The following ITSN1 variants were observed in gnomAD, a reference collection of about 807,000 sequenced individuals.
ITSN1 encodes intersectin-1.
A neutral mutation model predicts 239.8 loss-of-function variants in ITSN1; 58 were observed. That is an observed-to-expected ratio of 0.24 (90% confidence interval 0.20 to 0.30). ITSN1 has a LOEUF of 0.30. Among genes scored for constraint, ITSN1 ranks in the 10% least tolerant of loss-of-function variants. The pLI is 1.00. For missense variants in ITSN1, 1,558 were observed against 2,103.3 expected, an observed-to-expected ratio of 0.74 and a Z score of 5.07; for synonymous variants, 780 against 770.8, an observed-to-expected ratio of 1.01 and a Z score of -0.20.
At chr21:33,684,182 T>C (rs2091120077) in intron 1 of ITSN1, among the ~76,000 whole-genome samples, 1 of 152,236 alleles carries the variant, frequency 6.6e-6, no homozygotes, top group Non-Finnish European at 1.5e-5. Flanking sequence ...TAACCTTGTT[T>C]CCATGTGACT....
At chr21:33,710,903 T>C (rs2092397607) in intron 1 of ITSN1, among the ~76,000 whole-genome samples, 1 of 151,658 alleles carries the variant, frequency 6.6e-6, no homozygotes, top group African/African-American at 2.4e-5. Flanking sequence ...CCTCTTGGGT[T>C]CAAGTGATTC....
In ITSN1 at chr21:33,655,583, A is replaced by ATTTT. The variant is rs756792867; in HGVS notation, c.-33+12887_-33+12890dup. ...TTACAGGCACCACCATGCCTGGCTAATTTTTTTTTTTTTTTTTTTTGGTAT... is the reference window on the plus strand; with the variant it reads ...TTACAGGCACCACCATGCCTGGCTAATTTTTTTTTTTTTTTTTTTTTTTTGGTAT... On this transcript the variant is annotated intron_variant, in intron 1 of 39. Coordinates refer to ENST00000381318, the MANE Select transcript of ITSN1 (RefSeq NM_003024.3). Among the ~76,000 whole-genome samples, 1,162 of 126,032 alleles carry ATTTT rather than the reference A, an allele frequency of 9.2e-3. 12 individuals carry two copies. The highest frequency in any genetic ancestry group is 0.015 in the Non-Finnish European group (932 of 61,140). The allele number at this position is 126,032 out of a possible 152,430, so 82.7% of individuals were successfully genotyped here.
chr21:33,777,285 G>A (rs549243266), intron 14 of ITSN1, among the ~76,000 whole-genome samples: 3 of 152,216 alleles, frequency 2.0e-5, no homozygotes, highest in Admixed American at 6.5e-5. Context: ...GAACATATTT[G>A]TAATGGTCTA....
intron 29 of ITSN1, among the ~76,000 whole-genome samples, chr21:33,840,960 C>T (rs916681610): frequency 8.6e-5 from 13 of 152,018 alleles, no homozygotes; most frequent in African/African-American, 3.2e-4. Context: ...GAATCACTCT[C>T]CTCTGGCCGG....
intron 4 of ITSN1, among the ~76,000 whole-genome samples, chr21:33,725,116 A>C (rs1236081700): frequency 3.4e-5 from 5 of 146,334 alleles, no homozygotes; most frequent in African/African-American, 1.0e-4. Flanking sequence ...AAAAAAAAAA[A>C]AAAATTTTTT....
At position 33,853,740 on chromosome 21, in the gene ITSN1, G is replaced by A. The variant is rs142275694; in HGVS notation, c.3662-2996G>A. On this transcript the variant is annotated intron_variant, in intron 29 of 39. Coordinates refer to ENST00000381318, the MANE Select transcript of ITSN1 (RefSeq NM_003024.3). Reference sequence around the variant, plus strand: ...TGGGCAGTTCTGTGTCCTGCATGTTGTGGGTCATTTAGCAGCCCTGGCCAG... The same window carrying A: ...TGGGCAGTTCTGTGTCCTGCATGTTATGGGTCATTTAGCAGCCCTGGCCAG... Among the ~76,000 whole-genome samples, 14 of 152,310 alleles carry A rather than the reference G, an allele frequency of 9.2e-5. 1 individual carries two copies. The highest frequency in any genetic ancestry group is 3.4e-4 in the African/African-American group (14 of 41,572).
chr21:33,880,898 C>A (rs577584349), intron 34 of ITSN1, among the ~76,000 whole-genome samples: 1 of 152,160 alleles, frequency 6.6e-6, no homozygotes, highest in South Asian at 2.1e-4. Flanking sequence ...TCTGTGGGAT[C>A]ATCTCCACCT....
intron 20 of ITSN1, 52 bp downstream of exon 20, chr21:33,802,496 C>G: frequency 6.3e-7 from 1 of 1,585,938 alleles, no homozygotes; most frequent in Non-Finnish European, 8.7e-7. Flanking sequence ...ATGTTTTGTC[C>G]TTTTAAGTCA....
At chr21:33,790,141 GC>G in intron 16 of ITSN1, among the ~76,000 whole-genome samples, 1 of 152,140 alleles carries the variant, frequency 6.6e-6, no homozygotes, top group African/African-American at 2.4e-5. Context: ...CCAGAAAAAT[GC>G]CCATATACCC....
intron 1 of ITSN1, among the ~76,000 whole-genome samples, chr21:33,690,026 G>A (rs1280785858): frequency 2.0e-5 from 3 of 149,772 alleles, no homozygotes; most frequent in African/African-American, 7.4e-5. Flanking sequence ...GCTCACACTT[G>A]TAATCCTAGC....
intron 20 of ITSN1, among the ~76,000 whole-genome samples, chr21:33,802,973 C>A (rs1279103927): frequency 6.6e-6 from 1 of 152,280 alleles, no homozygotes; most frequent in East Asian, 1.9e-4. Flanking sequence ...CCGAACAGTT[C>A]ACTTTGAAAG....
rs976722949 is a variant in ITSN1 at position 33,865,789 on chromosome 21, C to T, written c.4074+455C>T. ...CAGTTGGTTCTGCTTGATGTGCTCC[C>T]GCCTTAGACAGCCTGTGGGAGTCAG... On this transcript the variant is annotated intron_variant, in intron 32 of 39. Coordinates refer to ENST00000381318, the MANE Select transcript of ITSN1 (RefSeq NM_003024.3). The surrounding 1 kb of genome is among the most constrained non-coding windows in gnomAD (Gnocchi z 4.4). Among the ~76,000 whole-genome samples, 4 of 152,114 alleles carry T rather than the reference C, an allele frequency of 2.6e-5. No homozygotes were observed. The highest frequency in any genetic ancestry group is 1.9e-4 in the East Asian group (1 of 5,166).
chr21:33,797,660 G>A lies in ITSN1; in HGVS notation c.2182+52G>A. ...AAAATAAGTCATCTTCTCTCCCAGA[G>A]CCTCCTGAAAAATGCCCCTATCTCA... On this transcript the variant is annotated intron_variant, in intron 18 of 39. Coordinates refer to ENST00000381318, the MANE Select transcript of ITSN1 (RefSeq NM_003024.3). The surrounding 1 kb of genome is among the most constrained non-coding windows in gnomAD (Gnocchi z 4.9). 6.7e-7 allele frequency: 1 copy of A among 1,487,648 alleles called. No individual in the cohort carries two copies. Among genetic ancestry groups the A allele is most frequent in the Non-Finnish European group, 9.3e-7 (1 of 1,077,562 alleles). The allele number at this position is 1,487,648 out of a possible 1,614,324, so 92.2% of individuals were successfully genotyped here. A position where few individuals can be genotyped will look rare whatever the true frequency, so the allele number is the denominator to read the frequency against.
Position 33,797,862 on chromosome 21 carries a change from G to A in ITSN1, c.2182+254G>A, listed in dbSNP as rs918390747. 6.6e-6 allele frequency among the ~76,000 whole-genome samples: 1 copy of A among 151,998 alleles called. No homozygotes were observed. Among genetic ancestry groups the A allele is most frequent in the Non-Finnish European group, 1.5e-5 (1 of 68,000 alleles). On this transcript the variant is annotated intron_variant, in intron 18 of 39. Transcript: ENST00000381318. This position sits in a 1 kb window ranked among gnomAD's most constrained non-coding sequence, Gnocchi z 4.9. ...GTCCTCTACGGAGCTAACAAGTGGCGTGAAGTTCCAGTGGTCTTATATGCT... is the reference window on the plus strand; with the variant it reads ...GTCCTCTACGGAGCTAACAAGTGGCATGAAGTTCCAGTGGTCTTATATGCT...
chr21:33,794,620 A>G (rs1157043023), intron 17 of ITSN1, 152 bp downstream of exon 17: 1 of 1,106,482 alleles, frequency 9.0e-7, no homozygotes, highest in South Asian at 1.6e-5. Context: ...ACACGTGTAT[A>G]TATGAATCTT....
intron 10 of ITSN1, among the ~76,000 whole-genome samples, chr21:33,767,099 C>T (rs1048379913): frequency 1.3e-5 from 2 of 151,886 alleles, no homozygotes; most frequent in Admixed American, 1.3e-4. Context: ...GCCCAGGAGG[C>T]GGAGGTTGCA....
At chr21:33,796,726 T>C (rs1008081854) in intron 17 of ITSN1, among the ~76,000 whole-genome samples, 2 of 152,220 alleles carry the variant, frequency 1.3e-5, no homozygotes, top group Non-Finnish European at 2.9e-5. Context: ...AGTTAATATA[T>C]GGGGAGCTAG....
intron 29 of ITSN1, among the ~76,000 whole-genome samples, chr21:33,844,889 G>A (rs1033055522): frequency 1.3e-5 from 2 of 152,014 alleles, no homozygotes; most frequent in African/African-American, 4.8e-5. Flanking sequence ...TCTCTAGGGG[G>A]CAGAAGCACA....
chr21:33,672,032 G>C (rs909444219), intron 1 of ITSN1, among the ~76,000 whole-genome samples: 1 of 151,576 alleles, frequency 6.6e-6, no homozygotes, highest in Non-Finnish European at 1.5e-5. Context: ...ATCACCTGAG[G>C]TTGGGAGTTC....
Sources: gnomAD v4.1 joint callset for allele counts (sites outside exome capture counted in the v4.1 genomes callset) on GRCh38, gnomAD v4.1.1 for gene constraint, Gnocchi (gnomAD v3.1) non-coding constraint, MANE v1.5 for transcripts, NCBI Gene and HGNC (gene_info 2026-07-23, HGNC 2026-07-21) for gene names.